Variants in GOPC observed in about 807,000 individuals in gnomAD.
GOPC encodes the protein golgi associated PDZ and coiled-coil motif containing.
In GOPC, 32 loss-of-function variants were observed where a neutral mutation model predicts 51.2. The ratio of observed to expected loss-of-function variants is 0.63; its 90% CI spans 0.47 to 0.84. The LOEUF (loss-of-function observed/expected upper bound fraction) is 0.84. Ranked by LOEUF, GOPC falls within the 40% of genes least tolerant of loss-of-function variation. GOPC has a pLI of 0.00. For missense variants in GOPC, 441 were observed against 555.5 expected, an observed-to-expected ratio of 0.79 and a Z score of 2.07; for synonymous variants, 190 against 205.1, an observed-to-expected ratio of 0.93 and a Z score of 0.63.
chr6:117,592,150 T>G (rs1365542425), intron 1 of GOPC, among the ~76,000 whole-genome samples: 1 of 152,184 alleles, frequency 6.6e-6, no homozygotes, highest in Non-Finnish European at 1.5e-5. Flanking sequence ...GAGGATCACT[T>G]GAAGTCAGGA....
In GOPC at chr6:117,602,336, C is replaced by G. The variant is rs770505695; in HGVS notation, c.-48G>C. Reference sequence around the variant, plus strand: ...GACTGCTGAAGACCCTCGCCGCCCCCCGCGCACGAAGGGAACTGCTGGGAC... The same window carrying G: ...GACTGCTGAAGACCCTCGCCGCCCCGCGCGCACGAAGGGAACTGCTGGGAC... On this transcript the variant is annotated 5_prime_UTR_variant, in exon 1 of 9. Transcript: ENST00000368498. The G allele has an allele frequency of 3.3e-6, 5 of 1,505,148 alleles. No individual in the cohort carries two copies. Among genetic ancestry groups the G allele is most frequent in the Non-Finnish European group, 4.4e-6 (5 of 1,135,746 alleles). The allele number at this position is 1,505,148 out of a possible 1,614,324, so 93.2% of individuals were successfully genotyped here.
At chr6:117,567,276 C>A (rs925408606) in intron 7 of GOPC, among the ~76,000 whole-genome samples, 1 of 152,054 alleles carries the variant, frequency 6.6e-6, no homozygotes, top group African/African-American at 2.4e-5. Flanking sequence ...TGACCATAGT[C>A]TTTTTGCTAA....
At chr6:117,589,466 T>C (rs995743239) in intron 1 of GOPC, among the ~76,000 whole-genome samples, 1 of 152,236 alleles carries the variant, frequency 6.6e-6, no homozygotes, top group African/African-American at 2.4e-5. Context: ...ATTACAGGCA[T>C]GTACCACCAT....
At chr6:117,595,056 C>G (rs1211795115) in intron 1 of GOPC, among the ~76,000 whole-genome samples, 4 of 152,092 alleles carry the variant, frequency 2.6e-5, no homozygotes, top group Non-Finnish European at 2.9e-5. Context: ...TTCCCAGATG[C>G]CTGGGGAGTG....
At chr6:117,579,583 C>T (rs980381133) in intron 1 of GOPC, among the ~76,000 whole-genome samples, 2 of 152,016 alleles carry the variant, frequency 1.3e-5, no homozygotes, top group African/African-American at 4.8e-5. Flanking sequence ...TATGGTAAGC[C>T]TAAAGATCAG....
intron 6 of GOPC, among the ~76,000 whole-genome samples, chr6:117,570,198 G>C (rs1178332592): frequency 1.3e-5 from 2 of 149,396 alleles, no homozygotes; most frequent in African/African-American, 2.5e-5. Flanking sequence ...TGTCTTATTT[G>C]TCCTGCTAAA....
At chr6:117,577,339 T>C (rs2114613563) in intron 3 of GOPC, 109 bp downstream of exon 3, 1 of 1,013,152 alleles carries the variant, frequency 9.9e-7, no homozygotes, top group Non-Finnish European at 1.5e-6. Flanking sequence ...AAATTGCCAT[T>C]ATTAATGCTA....
intron 1 of GOPC, among the ~76,000 whole-genome samples, chr6:117,592,390 G>C (rs1780131927): frequency 6.6e-6 from 1 of 151,992 alleles, no homozygotes; most frequent in Non-Finnish European, 1.5e-5. Flanking sequence ...CCACAAACGT[G>C]GTGGCTTAAA....
intron 1 of GOPC, among the ~76,000 whole-genome samples, chr6:117,589,389 G>A (rs539011310): frequency 6.6e-6 from 1 of 152,112 alleles, no homozygotes; most frequent in Non-Finnish European, 1.5e-5. Flanking sequence ...GTGCAATCTC[G>A]GCTCACTGCA....
chr6:117,570,897 A>C lies in GOPC; in HGVS notation c.875T>G (p.Leu292Arg). The change falls in exon 6 of 9, where the codon CTT becomes CGT. Residue 292 changes from leucine (L) to arginine (R), a missense_variant. By Grantham distance (102) the Leu-to-Arg change is moderately radical (BLOSUM62 -2). Around this residue, in one of 3 missense-constraint regions of GOPC, gnomAD observed 166 missense variants for 267.0 expected, o/e 0.62. Coordinates refer to ENST00000368498, the MANE Select transcript of GOPC (RefSeq NM_020399.4). ...GVGPIRKVLL[L>R]KEDHEGLGIS... ...GCCAAGGCCTTCATGATCTTCCTTAAGGAGGAGAACTTTTCTAATTGGACC... is the reference window on the plus strand; with the variant it reads ...GCCAAGGCCTTCATGATCTTCCTTACGGAGGAGAACTTTTCTAATTGGACC... 1 of 1,598,582 alleles carries C rather than the reference A, an allele frequency of 6.3e-7. No homozygotes were observed. The highest frequency in any genetic ancestry group is 1.1e-5 in the South Asian group (1 of 89,274).
At chr6:117,578,288 T>G (rs1395488665) in intron 2 of GOPC, among the ~76,000 whole-genome samples, 1 of 152,026 alleles carries the variant, frequency 6.6e-6, no homozygotes, top group East Asian at 1.9e-4. Context: ...CTGGCAAAAA[T>G]TACTGAGAAA....
intron 1 of GOPC, among the ~76,000 whole-genome samples, chr6:117,591,057 A>G (rs978602618): frequency 1.3e-5 from 2 of 152,126 alleles, no homozygotes; most frequent in African/African-American, 2.4e-5. Flanking sequence ...TCCCCATGTT[A>G]GCCAGGCTGA....
Position 117,570,845 on chromosome 6 carries a change from A to T in GOPC, c.912+15T>A. 8.0e-7 allele frequency: 1 copy of T among 1,253,886 alleles called. No homozygotes were observed. The highest frequency in any genetic ancestry group is 1.1e-6 in the Non-Finnish European group (1 of 880,230). The allele number at this position is 1,253,886 out of a possible 1,614,324, so 77.7% of individuals were successfully genotyped here. A position where few individuals can be genotyped will look rare whatever the true frequency, so the allele number is the denominator to read the frequency against. On this transcript the variant is annotated intron_variant, in intron 6 of 8. Transcript: ENST00000368498. ...GATAACTGTAGAAAATGATACTGGA[A>T]GTACTACTTCTTACTGTAATTGAAA...
In GOPC at chr6:117,569,605, C is replaced by T. The variant is rs749365951; in HGVS notation, c.1044G>A (p.Lys348=). The T allele has an allele frequency of 3.1e-6, 5 of 1,613,104 alleles. No homozygotes were observed. Among genetic ancestry groups the T allele is most frequent in the Non-Finnish European group, 3.4e-6 (4 of 1,179,666 alleles). ...AAAGAATAGTTACAGCTTCTTTATG[C>T]TTTGTGTCCCTTAGGTTAACTCCGT... ...AVNGVNLRDT[K]HKEAVTILSQ... Residue 348 remains lysine, a synonymous_variant, in exon 7 of 9, where the codon AAG becomes AAA. Transcript: ENST00000368498.
chr6:117,597,000 G>C (rs991458887), intron 1 of GOPC, among the ~76,000 whole-genome samples: 3 of 152,114 alleles, frequency 2.0e-5, no homozygotes, highest in African/African-American at 7.2e-5. Context: ...TCACAATATT[G>C]ATTCTACCCA....
At chr6:117,579,957 T>A (rs1211741890) in intron 1 of GOPC, among the ~76,000 whole-genome samples, 1 of 152,070 alleles carries the variant, frequency 6.6e-6, no homozygotes, top group East Asian at 1.9e-4. Context: ...TAAAATAATG[T>A]GGCAAGTTAT....
At chr6:117,591,260 T>C (rs866445638) in intron 1 of GOPC, among the ~76,000 whole-genome samples, 5 of 151,802 alleles carry the variant, frequency 3.3e-5, no homozygotes, top group African/African-American at 1.2e-4. Context: ...TTTGGGAGCA[T>C]GGAAGCAAAG....
chr6:117,593,513 T>A (rs1225104893), intron 1 of GOPC, among the ~76,000 whole-genome samples: 1 of 152,212 alleles, frequency 6.6e-6, no homozygotes, highest in Non-Finnish European at 1.5e-5. Flanking sequence ...ACTCACTCTT[T>A]CTGTCTGCTT....
At chr6:117,598,634 T>C (rs1485782266) in intron 1 of GOPC, among the ~76,000 whole-genome samples, 1 of 152,202 alleles carries the variant, frequency 6.6e-6, no homozygotes, top group Non-Finnish European at 1.5e-5. Flanking sequence ...GAACAGGATT[T>C]GTGCTACTAT....
Sources: allele counts gnomAD v4.1 joint callset (sites outside exome capture counted in the v4.1 genomes callset), GRCh38; gene constraint gnomAD v4.1.1; regional missense constraint gnomAD v4.1.1; transcripts MANE v1.5; gene names NCBI Gene and HGNC (gene_info 2026-07-23, HGNC 2026-07-21).